NRG3: variants seen among roughly 807,000 people sequenced by gnomAD.
NRG3 encodes neuregulin 3.
Under a neutral mutation model 66.9 loss-of-function variants are expected in NRG3, and 31 were observed. That is an observed-to-expected ratio of 0.46 (90% CI 0.35 to 0.63). The LOEUF is 0.63. NRG3 is among the 20% of genes least tolerant of loss of function. The pLI is 0.00. For synonymous variants in NRG3, 393 were observed against 359.4 expected, an observed-to-expected ratio of 1.09 and a Z score of -1.06; for missense variants, 910 against 878.9, an observed-to-expected ratio of 1.04 and a Z score of -0.45.
In NRG3 at chr10:81,876,183, C is replaced by A; in HGVS notation, c.823+20C>A. 1 of 1,554,110 alleles carries A rather than the reference C, an allele frequency of 6.4e-7. No homozygotes were observed. The highest frequency in any genetic ancestry group is 8.7e-7 in the Non-Finnish European group (1 of 1,148,638). On this transcript the variant is annotated intron_variant, in intron 1 of 8. Coordinates refer to ENST00000372141, the MANE Select transcript of NRG3 (RefSeq NM_001010848.4). ...AATTTCGTAAGTAAACACTGTGTCT[C>A]AACTATGATTTACTACTGAGTTTCC...
rs1192954188 is a variant in NRG3, at chr10:82,442,837, G to A, written c.953+83969G>A. Among the ~76,000 whole-genome samples the A allele has an allele frequency of 4.5e-5, 6 of 133,522 alleles. 1 individual carries two copies. In the Admixed American group the frequency reaches 5.1e-4, roughly 11 times the overall value. 87.6% of individuals were successfully genotyped at this position (133,522 alleles called of 152,430 possible). On this transcript the variant is annotated intron_variant, in intron 2 of 8. Coordinates refer to ENST00000372141, the MANE Select transcript of NRG3 (RefSeq NM_001010848.4). ...TTTTAGTGAAATAAGATACATCGAG[G>A]AGGCAGGTGCATAGAAGTCACTTGG...
intron 2 of NRG3, among the ~76,000 whole-genome samples, chr10:82,462,425 G>A (rs920740673): frequency 6.6e-6 from 1 of 151,938 alleles, no homozygotes; most frequent in Admixed American, 6.5e-5. Context: ...TTACTCATAA[G>A]AAATTTAAAA....
intron 1 of NRG3, among the ~76,000 whole-genome samples, chr10:82,015,959 A>G (rs2061769275): frequency 6.6e-6 from 1 of 151,110 alleles, no homozygotes; most frequent in African/African-American, 2.4e-5. Flanking sequence ...CATCATTTTC[A>G]TTGATGTTCC....
intron 2 of NRG3, among the ~76,000 whole-genome samples, chr10:82,455,251 T>A (rs548782717): frequency 3.3e-5 from 5 of 152,352 alleles, no homozygotes; most frequent in Middle Eastern, 3.4e-3. Context: ...GATTGTGTTG[T>A]GCAAACGTCA....
rs190924054 is a variant in NRG3, at chr10:82,467,902, T to C, written c.953+109034T>C. Among the ~76,000 whole-genome samples the C allele has an allele frequency of 1.2e-3, 181 of 151,792 alleles. 1 individual carries two copies. The highest frequency in any genetic ancestry group is 4.1e-3 in the African/African-American group (171 of 41,426). On this transcript the variant is annotated intron_variant, in intron 2 of 8. Coordinates refer to ENST00000372141, the MANE Select transcript of NRG3 (RefSeq NM_001010848.4). ...ATGGCCTTTGTGCCCATATTCATGTTGTGTGTGTGTGTATGTGTGTGTGTG... is the reference window on the plus strand; with the variant it reads ...ATGGCCTTTGTGCCCATATTCATGTCGTGTGTGTGTGTATGTGTGTGTGTG...
chr10:82,930,879 A>G (rs1847506763), intron 4 of NRG3, among the ~76,000 whole-genome samples: 1 of 152,148 alleles, frequency 6.6e-6, no homozygotes, highest in African/African-American at 2.4e-5. Context: ...CTTCATGAAA[A>G]TCTTAGGTCT....
chr10:82,944,166 C>T (rs1203960041), intron 4 of NRG3, among the ~76,000 whole-genome samples: 1 of 152,168 alleles, frequency 6.6e-6, no homozygotes, highest in East Asian at 1.9e-4. Flanking sequence ...TAATTTCACT[C>T]TTGATTTAAA....
At chr10:82,374,978 A>C (rs560676688) in intron 2 of NRG3, among the ~76,000 whole-genome samples, 1 of 152,216 alleles carries the variant, frequency 6.6e-6, no homozygotes, top group Non-Finnish European at 1.5e-5. Context: ...TCCCATGCCC[A>C]TCTCATCCAC....
intron 2 of NRG3, among the ~76,000 whole-genome samples, chr10:82,502,165 T>G (rs904368225): frequency 4.6e-5 from 7 of 150,618 alleles, no homozygotes; most frequent in East Asian, 3.9e-4. Context: ...AAAATTAGGG[T>G]TTTTTTTGTT....
At chr10:82,534,990 C>G (rs535655610) in intron 2 of NRG3, among the ~76,000 whole-genome samples, 83 of 151,502 alleles carry the variant, frequency 5.5e-4, no homozygotes, top group African/African-American at 1.9e-3. Flanking sequence ...TGCTGAAACC[C>G]TGTCACTACT....
rs575195295 is a variant in NRG3, at chr10:82,917,681, C to T, written c.1055-33788C>T. Among the ~76,000 whole-genome samples the T allele has an allele frequency of 5.9e-5, 9 of 152,144 alleles. No homozygotes were observed. The East Asian group carries it at 1.6e-3, about 26-fold the overall frequency. ...ATATTTCTGGTGTATTTTATAGCAT[C>T]TTGAATATCCTGGAATAAAGTTTCT... On this transcript the variant is annotated intron_variant, in intron 4 of 8. Transcript: ENST00000372141.
At chr10:82,769,228 T>C (rs2059625302) in intron 3 of NRG3, among the ~76,000 whole-genome samples, 1 of 152,142 alleles carries the variant, frequency 6.6e-6, no homozygotes, top group Non-Finnish European at 1.5e-5. Flanking sequence ...TATTACATAA[T>C]TCTCATGTGA....
At chr10:82,291,490 G>A (rs918285446) in intron 1 of NRG3, among the ~76,000 whole-genome samples, 1 of 152,184 alleles carries the variant, frequency 6.6e-6, no homozygotes, top group Admixed American at 6.5e-5. Context: ...AAAGGTGCAT[G>A]ACAGATCCTA....
chr10:81,896,334 G>A (rs1354556084), intron 1 of NRG3, among the ~76,000 whole-genome samples: 1 of 152,078 alleles, frequency 6.6e-6, no homozygotes, highest in Non-Finnish European at 1.5e-5. Flanking sequence ...CCTCTAAAGA[G>A]TGAAGAACTC....
intron 3 of NRG3, among the ~76,000 whole-genome samples, chr10:82,763,660 C>T (rs944302519): frequency 6.8e-6 from 1 of 147,624 alleles, no homozygotes; most frequent in Non-Finnish European, 1.5e-5. Context: ...GAACACTTCC[C>T]ATGTTCAAAA....
intron 2 of NRG3, among the ~76,000 whole-genome samples, chr10:82,494,665 T>C (rs1237903406): frequency 6.6e-6 from 1 of 152,098 alleles, no homozygotes. Context: ...CCCCAGGCAT[T>C]CTCATTCTCC....
intron 1 of NRG3, among the ~76,000 whole-genome samples, chr10:82,048,510 A>T (rs1268641007): frequency 2.6e-5 from 4 of 151,722 alleles, no homozygotes; most frequent in Non-Finnish European, 5.9e-5. Context: ...CTGGGTACAT[A>T]ACGAAATGAA....
intron 2 of NRG3, among the ~76,000 whole-genome samples, chr10:82,637,093 A>G (rs1371213782): frequency 1.3e-5 from 2 of 152,184 alleles, no homozygotes; most frequent in African/African-American, 2.4e-5. Context: ...ATAGATAACT[A>G]TGTGAGACGA....
chr10:82,523,551 C>G (rs549670700), intron 2 of NRG3, among the ~76,000 whole-genome samples: 1 of 151,996 alleles, frequency 6.6e-6, no homozygotes, highest in African/African-American at 2.4e-5. Context: ...ATATCCCTCA[C>G]TCTTTTTTTA....
Sources: gnomAD v4.1 joint callset for allele counts (sites outside exome capture counted in the v4.1 genomes callset) on GRCh38, gnomAD v4.1.1 for gene constraint, MANE v1.5 for transcripts, NCBI Gene and HGNC (gene_info 2026-07-23, HGNC 2026-07-21) for gene names.